The following ATP13A5 variants were observed in gnomAD, a reference collection of about 807,000 sequenced individuals.
ATP13A5 encodes ATPase 13A5, also known as probable cation-transporting ATPase 13A5.
Under a neutral mutation model 150.2 loss-of-function variants are expected in ATP13A5, and 149 were observed. That is an observed-to-expected ratio of 0.99 (90% CI 0.87 to 1.14). The LOEUF (loss-of-function observed/expected upper bound fraction) is 1.14. Among genes scored for constraint, ATP13A5 ranks in the 50% most tolerant of loss-of-function variants. ATP13A5 has a pLI of 0.00. For synonymous variants in ATP13A5, 497 were observed against 522.2 expected (o/e 0.95, Z 0.66); for missense variants, 1,383 against 1,449.3 (o/e 0.95, Z 0.74).
At chr3:193,321,598 T>C (rs1719279666) in intron 16 of ATP13A5, 83 bp downstream of exon 16, 1 of 1,502,314 alleles carries the variant, frequency 6.7e-7, no homozygotes, top group Non-Finnish European at 9.1e-7. Flanking sequence ...GCCACTGCAC[T>C]CCAGCCTTGG....
chr3:193,289,240 C>G (rs1361364715), intron 26 of ATP13A5, among the ~76,000 whole-genome samples: 1 of 152,066 alleles, frequency 6.6e-6, no homozygotes, highest in Non-Finnish European at 1.5e-5. Flanking sequence ...GGCGCTATAG[C>G]CTACCACAAA....
intron 11 of ATP13A5, among the ~76,000 whole-genome samples, chr3:193,332,032 C>T (rs945857633): frequency 2.6e-5 from 4 of 152,118 alleles, no homozygotes; most frequent in Non-Finnish European, 4.4e-5. Context: ...GCAGGTGATA[C>T]GGTTTGGCTG....
chr3:193,346,728 G>A (rs973025608), intron 7 of ATP13A5, among the ~76,000 whole-genome samples: 10 of 152,172 alleles, frequency 6.6e-5, no homozygotes, highest in South Asian at 4.1e-4. Context: ...TGAACCCAGC[G>A]TTAATATTTA....
At chr3:193,330,975 C>T in intron 12 of ATP13A5, 148 bp downstream of exon 12, 2 of 719,412 alleles carry the variant, frequency 2.8e-6, no homozygotes, top group Non-Finnish European at 4.5e-6. Context: ...AGAATGTGAT[C>T]TTGCACTAGC....
chr3:193,348,018 CA>C (rs1341443396), intron 7 of ATP13A5, among the ~76,000 whole-genome samples: 1 of 152,192 alleles, frequency 6.6e-6, no homozygotes, highest in Non-Finnish European at 1.5e-5. Flanking sequence ...AGGCCCTTGT[CA>C]AATATGTATT....
intron 15 of ATP13A5, 74 bp downstream of exon 15, chr3:193,322,417 A>C (rs1367749574): frequency 2.0e-5 from 24 of 1,183,986 alleles, no homozygotes; most frequent in Non-Finnish European, 2.9e-5. Context: ...GGACTATAAA[A>C]ATATGTGCAA....
In ATP13A5 at chr3:193,362,481, G is replaced by A. The variant is rs770587542; in HGVS notation, c.456-20C>T. 3.7e-6 allele frequency: 6 copies of A among 1,613,530 alleles called. No homozygotes were observed. Among genetic ancestry groups the A allele is most frequent in the African/African-American group, 2.7e-5 (2 of 74,914 alleles). On this transcript the variant is annotated intron_variant, in intron 4 of 29. Transcript: ENST00000342358. ...AGCAACCTAGGATGTATTCAGGATAGGAACCACACTTCAGTTCATAGCACT... is the reference window on the plus strand; with the variant it reads ...AGCAACCTAGGATGTATTCAGGATAAGAACCACACTTCAGTTCATAGCACT...
At chr3:193,307,477 C>T (rs985332688) in intron 21 of ATP13A5, 108 bp from the exon 22 acceptor site, 1 of 1,277,324 alleles carries the variant, frequency 7.8e-7, no homozygotes, top group Non-Finnish European at 1.1e-6. Flanking sequence ...ATGTGTGTGT[C>T]CCCTGAACAC....
chr3:193,336,746 A>G (rs2108878213), intron 9 of ATP13A5, among the ~76,000 whole-genome samples: 1 of 152,324 alleles, frequency 6.6e-6, no homozygotes, highest in East Asian at 1.9e-4. Context: ...CTTTGGGTAT[A>G]TACCCAGTAA....
chr3:193,299,167 G>T lies in ATP13A5; in HGVS notation c.2812C>A (p.Gln938Lys), dbSNP rs143912053. 1,212 of 1,610,232 alleles carry T rather than the reference G, an allele frequency of 7.5e-4. 5 individuals carry two copies. In the African/African-American group the frequency reaches 0.015, roughly 20 times the overall value. The change falls in exon 25 of 30, where the codon CAA (glutamine) becomes AAA (lysine). Residue 938 changes from glutamine (Q) to lysine (K), a missense_variant. Physicochemically the swap from Gln to Lys is moderately conservative, Grantham distance 53 (BLOSUM62 1). Around this residue, in one of 3 missense-constraint regions of ATP13A5, gnomAD observed 568 missense variants for 621.5 expected, o/e 0.91. Coordinates refer to ENST00000342358, the MANE Select transcript of ATP13A5 (RefSeq NM_198505.4). ...QLFGNYQYLM[Q>K]DVAITLMVCL... ...ACCATCAAAGTAATGGCTACATCTT[G>T]CATGAGATACTGGTAATTTCCAAAG...
chr3:193,281,060 C>T, intron 27 of ATP13A5: 1 of 304,560 alleles, frequency 3.3e-6, no homozygotes, highest in Non-Finnish European at 4.8e-6. Context: ...CAGCACGTCT[C>T]AGAAGTGCTT....
At chr3:193,355,587 A>G (rs1260917375) in intron 5 of ATP13A5, among the ~76,000 whole-genome samples, 1 of 152,210 alleles carries the variant, frequency 6.6e-6, no homozygotes, top group Admixed American at 6.5e-5. Context: ...TGTAGTTTGC[A>G]AAGAACAGAG....
In ATP13A5 at chr3:193,360,769, C is replaced by T. The variant is rs1275960649; in HGVS notation, c.536+1612G>A. Reference sequence around the variant, plus strand: ...TCAGCTCTCTGCAACCTCCGCCTCCCGGGTCCAAGCAATTCTCCTGCCTCA... The same window carrying T: ...TCAGCTCTCTGCAACCTCCGCCTCCTGGGTCCAAGCAATTCTCCTGCCTCA... On this transcript the variant is annotated intron_variant, in intron 5 of 29. Transcript: ENST00000342358. Among the ~76,000 whole-genome samples, 10 of 152,094 alleles carry T rather than the reference C, an allele frequency of 6.6e-5. No individual in the cohort carries two copies. In the South Asian group the frequency reaches 1.5e-3, roughly 22 times the overall value.
At chr3:193,341,083 A>G (rs1397829286) in intron 9 of ATP13A5, among the ~76,000 whole-genome samples, 1 of 152,186 alleles carries the variant, frequency 6.6e-6, no homozygotes, top group Admixed American at 6.5e-5. Context: ...GTATATGTAA[A>G]ATGTTAGCAC....
chr3:193,310,196 A>G (rs1718788526), intron 21 of ATP13A5, among the ~76,000 whole-genome samples: 1 of 152,144 alleles, frequency 6.6e-6, no homozygotes, highest in South Asian at 2.1e-4. Flanking sequence ...AGAAGTCATA[A>G]TCTCATTCTT....
At chr3:193,275,677 A>C (rs1717163236) in intron 29 of ATP13A5, among the ~76,000 whole-genome samples, 1 of 152,204 alleles carries the variant, frequency 6.6e-6, no homozygotes, top group African/African-American at 2.4e-5. Context: ...AAAGGTGTCT[A>C]AGCGTTTGTT....
At chr3:193,313,748 GC>G (rs1294367742) in intron 19 of ATP13A5, 9 of 329,882 alleles carry the variant, frequency 2.7e-5, no homozygotes, top group Non-Finnish European at 5.0e-5. Flanking sequence ...GTAGTTCTCA[GC>G]CATGACTGCA....
chr3:193,313,047 A>G (rs1255597828), intron 19 of ATP13A5: 1 of 152,230 alleles, frequency 6.6e-6, no homozygotes, highest in Non-Finnish European at 1.5e-5. Context: ...GTGGACTGTT[A>G]GTTAAAATTC....
At chr3:193,321,091 C>G (rs1473820048) in intron 16 of ATP13A5, among the ~76,000 whole-genome samples, 3 of 152,198 alleles carry the variant, frequency 2.0e-5, no homozygotes, top group Admixed American at 2.0e-4. Context: ...CCCTAGTTCT[C>G]TGACCCTCAG....
Sources: allele counts gnomAD v4.1 joint callset (sites outside exome capture counted in the v4.1 genomes callset), GRCh38; gene constraint gnomAD v4.1.1; regional missense constraint gnomAD v4.1.1; transcripts MANE v1.5; gene names NCBI Gene and HGNC (gene_info 2026-07-23, HGNC 2026-07-21).